ASAP1: variants seen among roughly 807,000 people sequenced by gnomAD.
The protein encoded by ASAP1 is arf-GAP with SH3 domain, ANK repeat and PH domain-containing protein 1.
ASAP1 carries 43 observed loss-of-function variants against 145.2 expected under a neutral mutation model. That is an observed-to-expected ratio of 0.30 (90% CI 0.23 to 0.38). The LOEUF is 0.38. ASAP1 is among the 10% of genes least tolerant of loss of function. The probability of loss-of-function intolerance (pLI) is 1.00; values close to 1 mark genes in which losing one functional copy is unlikely to be tolerated. For missense variants in ASAP1, 1,018 were observed against 1,355.3 expected (o/e 0.75, Z 3.91); for synonymous variants, 546 against 515.5 (o/e 1.06, Z -0.80).
intron 2 of ASAP1, among the ~76,000 whole-genome samples, chr8:130,396,719 C>T (rs1227750109): frequency 6.6e-6 from 1 of 152,210 alleles, no homozygotes; most frequent in Non-Finnish European, 1.5e-5. Flanking sequence ...CTGATCCCTG[C>T]CCTGCAGCCA....
chr8:130,105,068 C>CAT (rs112418949), intron 24 of ASAP1, among the ~76,000 whole-genome samples: 1 of 151,920 alleles, frequency 6.6e-6, no homozygotes, highest in East Asian at 1.9e-4. Flanking sequence ...TAATTGATAA[C>CAT]ATATATATTT....
intron 3 of ASAP1, among the ~76,000 whole-genome samples, chr8:130,283,359 T>A (rs1415924220): frequency 2.0e-5 from 3 of 151,994 alleles, no homozygotes; most frequent in Non-Finnish European, 4.4e-5. Flanking sequence ...GGCGGGTGGA[T>A]CACGAGGTCA....
At chr8:130,079,780 T>A (rs6415509) in intron 26 of ASAP1, 122 bp downstream of exon 26, 802,025 of 929,214 alleles carry the variant, frequency 0.86, 347,178 homozygotes, top group East Asian at 0.96. Flanking sequence ...TGTTGTGGCC[T>A]GCCCCACTTG....
intron 12 of ASAP1, 30 bp from the exon 13 acceptor site, chr8:130,152,835 T>C (rs965132395): frequency 1.3e-6 from 2 of 1,509,256 alleles, no homozygotes; most frequent in Non-Finnish European, 1.8e-6. Flanking sequence ...CAACTAGATA[T>C]AGTAACTGAT....
At chr8:130,277,495 G>T (rs1456195932) in intron 3 of ASAP1, among the ~76,000 whole-genome samples, 2 of 152,142 alleles carry the variant, frequency 1.3e-5, no homozygotes, top group Non-Finnish European at 2.9e-5. Context: ...AAAATGTTTA[G>T]ACAATCCCAT....
chr8:130,262,694 G>A (rs892399960), intron 3 of ASAP1, among the ~76,000 whole-genome samples: 27 of 152,032 alleles, frequency 1.8e-4, no homozygotes, highest in African/African-American at 6.3e-4. Flanking sequence ...TTATAAAATA[G>A]GCTCCATTGA....
At chr8:130,378,859 T>C (rs1424614109) in intron 2 of ASAP1, among the ~76,000 whole-genome samples, 6 of 152,212 alleles carry the variant, frequency 3.9e-5, no homozygotes, top group Non-Finnish European at 7.3e-5. Context: ...TAACATGCCA[T>C]GATCTGGGCA....
chr8:130,235,708 TAAC>T, intron 4 of ASAP1, among the ~76,000 whole-genome samples: 1 of 152,292 alleles, frequency 6.6e-6, no homozygotes, highest in South Asian at 2.1e-4. Flanking sequence ...CAAAATGTGT[TAAC>T]AATTAATATT....
intron 9 of ASAP1, among the ~76,000 whole-genome samples, chr8:130,176,754 G>C (rs1813983191): frequency 6.6e-6 from 1 of 150,914 alleles, no homozygotes; most frequent in African/African-American, 2.4e-5. Flanking sequence ...GCAATGGCGT[G>C]ATCTCGGCTC....
chr8:130,143,268 A>C (rs2097617102), intron 13 of ASAP1, among the ~76,000 whole-genome samples: 1 of 152,232 alleles, frequency 6.6e-6, no homozygotes, highest in South Asian at 2.1e-4. Flanking sequence ...TTCTCATTAA[A>C]ATAAAACACA....
chr8:130,199,416 A>G (rs1280649514), intron 5 of ASAP1, among the ~76,000 whole-genome samples: 1 of 152,238 alleles, frequency 6.6e-6, no homozygotes, highest in African/African-American at 2.4e-5. Flanking sequence ...GCTCAGCACC[A>G]GAATGGGGGA....
At chr8:130,065,868 C>T (rs1197270299) in intron 27 of ASAP1, among the ~76,000 whole-genome samples, 3 of 152,162 alleles carry the variant, frequency 2.0e-5, no homozygotes, top group South Asian at 2.1e-4. Context: ...CTTGGTCTAC[C>T]GCTATTGGAC....
At chr8:130,161,708 A>G (rs904906163) in intron 11 of ASAP1, among the ~76,000 whole-genome samples, 4 of 152,212 alleles carry the variant, frequency 2.6e-5, no homozygotes, top group Non-Finnish European at 5.9e-5. Context: ...ATTTAATTGG[A>G]CAATATTAAT....
At chr8:130,155,334 T>G (rs1268385805) in intron 12 of ASAP1, among the ~76,000 whole-genome samples, 3 of 152,186 alleles carry the variant, frequency 2.0e-5, no homozygotes, top group Non-Finnish European at 4.4e-5. Context: ...AATCTTGAGA[T>G]ATCTCCTGGC....
chr8:130,343,313 T>G (rs1269554050), intron 3 of ASAP1, among the ~76,000 whole-genome samples: 1 of 152,170 alleles, frequency 6.6e-6, no homozygotes, highest in African/African-American at 2.4e-5. Context: ...CACCACCCCC[T>G]AACACTGAGA....
intron 2 of ASAP1, among the ~76,000 whole-genome samples, chr8:130,384,228 C>T (rs77467207): frequency 0.017 from 2,627 of 152,254 alleles, 39 homozygotes; most frequent in East Asian, 0.053. Flanking sequence ...GGAAGGGCCT[C>T]GCTGATTAAA....
intron 3 of ASAP1, among the ~76,000 whole-genome samples, chr8:130,302,482 C>G (rs936247769): frequency 6.6e-6 from 1 of 152,192 alleles, no homozygotes; most frequent in Non-Finnish European, 1.5e-5. Flanking sequence ...TAAACCAACA[C>G]GGCCAGCTGT....
At chr8:130,070,084 TG>T (rs1564923775) in intron 27 of ASAP1, among the ~76,000 whole-genome samples, 1 of 152,216 alleles carries the variant, frequency 6.6e-6, no homozygotes, top group Non-Finnish European at 1.5e-5. Context: ...TCGCCCAGGC[TG>T]GAGTGCAGTG....
chr8:130,305,293 T>C (rs959261672), intron 3 of ASAP1, among the ~76,000 whole-genome samples: 4 of 152,260 alleles, frequency 2.6e-5, no homozygotes, highest in African/African-American at 9.6e-5. Flanking sequence ...CTCATTGTTC[T>C]ATCCATAGTG....
Sources: allele counts gnomAD v4.1 joint callset (sites outside exome capture counted in the v4.1 genomes callset), GRCh38; gene constraint gnomAD v4.1.1; transcripts MANE v1.5; gene names NCBI Gene and HGNC (gene_info 2026-07-23, HGNC 2026-07-21).